FRMPD4: variants seen among roughly 807,000 people sequenced by gnomAD.
FRMPD4 encodes the protein FERM and PDZ domain-containing protein 4.
Under a neutral mutation model 94.1 loss-of-function variants are expected in FRMPD4, and 22 were observed. That is an observed-to-expected ratio of 0.23 (90% confidence interval 0.17 to 0.33). The LOEUF (loss-of-function observed/expected upper bound fraction) is 0.33, where lower values mean the gene tolerates loss of function less well. FRMPD4 is among the 10% of genes least tolerant of loss of function. The pLI is 1.00. For missense variants in FRMPD4, 1,111 were observed against 1,339.9 expected, an observed-to-expected ratio of 0.83 and a Z score of 2.67; for synonymous variants, 631 against 548.6, an observed-to-expected ratio of 1.15 and a Z score of -2.10.
At chrX:12,276,179 AT>A (rs1394017263) in intron 1 of FRMPD4, among the ~76,000 whole-genome samples, 1 of 112,745 alleles carries the variant, frequency 8.9e-6, no homozygotes, top group Non-Finnish European at 1.9e-5. Context: ...TGTGTAAGAC[AT>A]ATATTAAACT....
At chrX:11,905,329 C>T (rs772831256) in intron 3 of FRMPD4, among the ~76,000 whole-genome samples, 7 of 111,765 alleles carry the variant, frequency 6.3e-5, no homozygotes, top group African/African-American at 2.3e-4. Context: ...AAACCTAAGA[C>T]AAAATGCTGA....
At chrX:12,082,377 A>G (rs778688983) in intron 3 of FRMPD4, among the ~76,000 whole-genome samples, 4 of 111,882 alleles carry the variant, frequency 3.6e-5, no homozygotes, top group East Asian at 2.8e-4. Context: ...TTCTCTTGCT[A>G]CTACCATGTA....
intron 3 of FRMPD4, among the ~76,000 whole-genome samples, chrX:12,088,095 C>A (rs1207376959): frequency 8.9e-6 from 1 of 112,116 alleles, no homozygotes; most frequent in African/African-American, 3.2e-5. Context: ...GCTCACGTTC[C>A]CATCTTGTCT....
At chrX:12,276,729 G>A (rs930783879) in intron 1 of FRMPD4, among the ~76,000 whole-genome samples, 1 of 111,739 alleles carries the variant, frequency 8.9e-6, no homozygotes, top group Non-Finnish European at 1.9e-5. Flanking sequence ...GTTAAGTTTG[G>A]AATGCCCTTG....
At chrX:12,142,154 T>G (rs2055701424) in intron 1 of FRMPD4, among the ~76,000 whole-genome samples, 1 of 111,811 alleles carries the variant, frequency 8.9e-6, no homozygotes, top group South Asian at 3.7e-4. Context: ...ATATGATGAT[T>G]TCTTATAGTA....
chrX:12,526,036 T>C (rs187468687), intron 2 of FRMPD4, among the ~76,000 whole-genome samples: 25 of 113,017 alleles, frequency 2.2e-4, no homozygotes, highest in Non-Finnish European at 4.5e-4. Flanking sequence ...AAAATATTTC[T>C]TTTTATTTCC....
chrX:12,210,302 G>A (rs985384439), intron 1 of FRMPD4, among the ~76,000 whole-genome samples: 3 of 111,743 alleles, frequency 2.7e-5, no homozygotes, highest in African/African-American at 9.8e-5. Flanking sequence ...GTACAAAGGG[G>A]AAAATCAGTT....
intron 3 of FRMPD4, among the ~76,000 whole-genome samples, chrX:12,047,213 G>C (rs1329763443): frequency 9.2e-6 from 1 of 109,060 alleles, no homozygotes; most frequent in East Asian, 2.8e-4. Context: ...TTTATATATG[G>C]TTGTATATAT....
intron 3 of FRMPD4, among the ~76,000 whole-genome samples, chrX:12,012,569 A>G (rs1387786625): frequency 8.9e-6 from 1 of 111,790 alleles, no homozygotes; most frequent in Non-Finnish European, 1.9e-5. Flanking sequence ...GGTTATACCT[A>G]CCATTCCCTA....
chrX:12,066,100 T>C (rs2054918237), intron 3 of FRMPD4, among the ~76,000 whole-genome samples: 1 of 112,358 alleles, frequency 8.9e-6, no homozygotes, highest in Admixed American at 9.4e-5. Flanking sequence ...CTGCAGTGAA[T>C]TAAGTTTCAG....
At chrX:12,083,987 C>G (rs901482719) in intron 3 of FRMPD4, among the ~76,000 whole-genome samples, 8 of 111,292 alleles carry the variant, frequency 7.2e-5, no homozygotes, top group African/African-American at 2.6e-4. Flanking sequence ...GGACTGTCAA[C>G]TTTTAGTTAA....
intron 2 of FRMPD4, among the ~76,000 whole-genome samples, chrX:12,501,315 A>C (rs763004430): frequency 8.9e-6 from 1 of 112,692 alleles, no homozygotes; most frequent in African/African-American, 3.2e-5. Context: ...TTTACTTGAA[A>C]AGTAAGTTTC....
At chrX:12,335,487 C>T (rs2055503232) in intron 1 of FRMPD4, among the ~76,000 whole-genome samples, 1 of 111,615 alleles carries the variant, frequency 9.0e-6, no homozygotes, top group East Asian at 2.8e-4. Context: ...TTTATATAAT[C>T]GTTTCTTTGA....
intron 14 of FRMPD4, among the ~76,000 whole-genome samples, chrX:12,710,814 G>A (rs756371790): frequency 9.0e-6 from 1 of 110,906 alleles, no homozygotes; most frequent in African/African-American, 3.3e-5. Flanking sequence ...GCTGAGGCAG[G>A]AGAATCACTT....
intron 1 of FRMPD4, among the ~76,000 whole-genome samples, chrX:12,404,924 A>T: frequency 9.0e-6 from 1 of 111,119 alleles, no homozygotes; most frequent in East Asian, 2.8e-4. Context: ...AAATGAGTGT[A>T]CCTGTGTTCC....
intron 1 of FRMPD4, among the ~76,000 whole-genome samples, chrX:12,232,188 T>C (rs1322186053): frequency 9.0e-6 from 1 of 111,413 alleles, no homozygotes; most frequent in African/African-American, 3.3e-5. Flanking sequence ...CTCTCCTCCT[T>C]CTCCCCGATG....
At chrX:12,086,071 C>CTGTGTGTGTG (rs753040402) in intron 3 of FRMPD4, among the ~76,000 whole-genome samples, 1 of 57,273 alleles carries the variant, frequency 1.7e-5, no homozygotes, top group African/African-American at 5.6e-5. Flanking sequence ...CTGCCTGTGT[C>CTGTGTGTGTG]TGTGTGCGTG....
At chrX:12,068,379 T>G (rs2054939171) in intron 3 of FRMPD4, among the ~76,000 whole-genome samples, 1 of 96,631 alleles carries the variant, frequency 1.0e-5, no homozygotes, top group East Asian at 4.3e-4. Context: ...AAAAATTTTG[T>G]TTTTTTTCAA....
intron 3 of FRMPD4, among the ~76,000 whole-genome samples, chrX:12,076,504 GAAGC>G (rs2055018983): frequency 9.0e-6 from 1 of 111,108 alleles, no homozygotes; most frequent in South Asian, 3.8e-4. Flanking sequence ...CTATTTGTCA[GAAGC>G]AAGAGTGGAT....
Sources: gnomAD v4.1 joint callset for allele counts (sites outside exome capture counted in the v4.1 genomes callset) on GRCh38, gnomAD v4.1.1 for gene constraint, MANE v1.5 for transcripts, NCBI Gene and HGNC (gene_info 2026-07-23, HGNC 2026-07-21) for gene names.